The following NALCN variants were observed in gnomAD, a reference collection of about 807,000 sequenced individuals.
NALCN encodes the protein sodium leak channel NALCN.
Under a neutral mutation model 225.3 loss-of-function variants are expected in NALCN, and 111 were observed. The observed-to-expected ratio is 0.49, with a 90% CI of 0.42 to 0.58. NALCN has a LOEUF of 0.58. Ranked by LOEUF, NALCN falls within the 20% of genes least tolerant of loss-of-function variation. NALCN has a pLI of 0.00. For missense variants in NALCN, 1,378 were observed against 2,202.4 expected, an observed-to-expected ratio of 0.63 and a Z score of 7.49; for synonymous variants, 764 against 769.0, an observed-to-expected ratio of 0.99 and a Z score of 0.11.
At chr13:101,223,144 C>T (rs2041009861) in intron 13 of NALCN, among the ~76,000 whole-genome samples, 1 of 152,118 alleles carries the variant, frequency 6.6e-6, no homozygotes, top group Non-Finnish European at 1.5e-5. Flanking sequence ...GGGACATTCA[C>T]AACCTCTTCC....
intron 40 of NALCN, 58 bp downstream of exon 40, chr13:101,065,346 A>G: frequency 6.3e-7 from 1 of 1,585,950 alleles, no homozygotes; most frequent in Non-Finnish European, 8.6e-7. Context: ...AGAGGCCTTG[A>G]AGGCTGACAG....
Position 101,244,167 on chromosome 13 carries a change from T to C in NALCN, c.1267-6245A>G, listed in dbSNP as rs548642701. ...TCACCTGTATTTTCAGACTGAGATT[T>C]TCATTCCAAAAAAAAAGAGTGGTGA... On this transcript the variant is annotated intron_variant, in intron 11 of 43. Transcript: ENST00000251127. 3.0e-4 allele frequency among the ~76,000 whole-genome samples: 33 copies of C among 111,436 alleles called. No individual in the cohort carries two copies. The East Asian group carries it at 6.9e-3, about 23-fold the overall frequency. 73.1% of individuals were successfully genotyped at this position (111,436 alleles called of 152,430 possible). A position where few individuals can be genotyped will look rare whatever the true frequency, so the allele number is the denominator to read the frequency against.
chr13:101,174,248 C>T (rs1302349887), intron 15 of NALCN, among the ~76,000 whole-genome samples: 4 of 152,062 alleles, frequency 2.6e-5, no homozygotes, highest in Non-Finnish European at 5.9e-5. Flanking sequence ...GGAATTGCTG[C>T]GTTATGATTG....
intron 6 of NALCN, among the ~76,000 whole-genome samples, chr13:101,352,238 A>G (rs542648835): frequency 1.3e-5 from 2 of 152,326 alleles, no homozygotes; most frequent in East Asian, 3.9e-4. Flanking sequence ...TTTAAGAGCT[A>G]TCTATATGCT....
At chr13:101,139,469 A>C (rs2036961916) in intron 17 of NALCN, among the ~76,000 whole-genome samples, 1 of 152,136 alleles carries the variant, frequency 6.6e-6, no homozygotes, top group Non-Finnish European at 1.5e-5. Flanking sequence ...CCATTAAGAG[A>C]ACAGTTTTAT....
chr13:101,340,016 C>G (rs2045505247), intron 7 of NALCN, among the ~76,000 whole-genome samples: 1 of 147,518 alleles, frequency 6.8e-6, no homozygotes, highest in Non-Finnish European at 1.5e-5. Context: ...GCCTGTAATC[C>G]CAGCACTTTT....
rs2041620111 is a variant in NALCN at position 101,237,880 on chromosome 13, T to C, written c.1309A>G (p.Ile437Val). The change falls in exon 12 of 44, where the codon ATA becomes GTA. Residue 437 changes from isoleucine to valine, a missense_variant. Physicochemically the swap from Ile to Val is conservative, Grantham distance 29. Transcript: ENST00000251127. ...VLFDLEALLK[I>V]WCLGFTGYIS... Reference sequence around the variant, plus strand: ...TATCCAGTAAATCCCAAACACCATATCTTCAGAAGTGCTTCCAAATCAAAA... The same window carrying C: ...TATCCAGTAAATCCCAAACACCATACCTTCAGAAGTGCTTCCAAATCAAAA... 2 of 1,606,300 alleles carry C rather than the reference T, an allele frequency of 1.2e-6. No individual in the cohort carries two copies. The highest frequency in any genetic ancestry group is 1.3e-5 in the African/African-American group (1 of 74,414).
chr13:101,270,495 C>A (rs1489364196), intron 10 of NALCN, among the ~76,000 whole-genome samples: 1 of 152,184 alleles, frequency 6.6e-6, no homozygotes, highest in Admixed American at 6.5e-5. Flanking sequence ...CTTTCTAATA[C>A]ACTGCATTTC....
Position 101,181,322 on chromosome 13 carries a change from G to A in NALCN, c.1765-4948C>T, listed in dbSNP as rs186415992. On this transcript the variant is annotated intron_variant, in intron 14 of 43. Transcript: ENST00000251127. ...GCGTCTTGAGTGCCACAGAGGTCACGGATAAGAGAGGGAGGCTGGAATAAT... is the reference window on the plus strand; with the variant it reads ...GCGTCTTGAGTGCCACAGAGGTCACAGATAAGAGAGGGAGGCTGGAATAAT... 1.5e-3 allele frequency: 775 copies of A among 518,942 alleles called. 2 individuals are homozygous for A. Among genetic ancestry groups the A allele is most frequent in the Non-Finnish European group, 2.0e-3 (511 of 259,868 alleles). 32.1% of individuals were successfully genotyped at this position (518,942 alleles called of 1,614,324 possible). A position where few individuals can be genotyped will look rare whatever the true frequency, so the allele number is the denominator to read the frequency against.
intron 28 of NALCN, among the ~76,000 whole-genome samples, chr13:101,094,604 G>A (rs1410675068): frequency 6.6e-6 from 1 of 151,996 alleles, no homozygotes; most frequent in African/African-American, 2.4e-5. Flanking sequence ...ATATTCTCAT[G>A]TCTCACATTC....
In NALCN at chr13:101,360,806, C is replaced by T. The variant is rs568583854; in HGVS notation, c.645-15386G>A. Among the ~76,000 whole-genome samples the T allele has an allele frequency of 3.3e-5, 5 of 152,292 alleles. No individual in the cohort carries two copies. In the South Asian group the frequency reaches 6.2e-4, roughly 19 times the overall value. On this transcript the variant is annotated intron_variant, in intron 6 of 43. Transcript: ENST00000251127. ...AGGAAAGACAGGAGGCTCTAATTAC[C>T]TCTGGTGCTCCTTGGACATTTCTGG...
chr13:101,127,944 C>T (rs1029327121), intron 17 of NALCN, among the ~76,000 whole-genome samples: 4 of 152,126 alleles, frequency 2.6e-5, no homozygotes, highest in Non-Finnish European at 5.9e-5. Context: ...CTCTGCAGTG[C>T]CCTCTTCTGG....
intron 11 of NALCN, among the ~76,000 whole-genome samples, chr13:101,246,247 T>C (rs138010993): frequency 0.013 from 2,021 of 152,280 alleles, 33 homozygotes; most frequent in African/African-American, 0.038. Flanking sequence ...ATGGTAGAGA[T>C]GGACATTGCC....
intron 37 of NALCN, among the ~76,000 whole-genome samples, chr13:101,070,346 G>A (rs1002270709): frequency 3.9e-5 from 6 of 152,266 alleles, no homozygotes; most frequent in South Asian, 2.1e-4. Flanking sequence ...GATTACAGGC[G>A]TGAGCCACTG....
rs145310140 is a variant in NALCN, at chr13:101,191,262, T to G, written c.1764+655A>C. 4.7e-3 allele frequency among the ~76,000 whole-genome samples: 716 copies of G among 152,332 alleles called. 7 individuals carry two copies. Among genetic ancestry groups the G allele is most frequent in the African/African-American group, 0.017 (697 of 41,574 alleles). On this transcript the variant is annotated intron_variant, in intron 14 of 43. Coordinates refer to ENST00000251127, the MANE Select transcript of NALCN (RefSeq NM_052867.4). Reference sequence around the variant, plus strand: ...GAGCATTTGGTATTACATTCCTTAGTAAGTCACAGGCTGCATTTCATAACA... The same window carrying G: ...GAGCATTTGGTATTACATTCCTTAGGAAGTCACAGGCTGCATTTCATAACA...
chr13:101,155,203 C>T (rs1336110914), intron 15 of NALCN, among the ~76,000 whole-genome samples: 4 of 152,082 alleles, frequency 2.6e-5, no homozygotes, highest in African/African-American at 7.2e-5. Flanking sequence ...TGTTATATAC[C>T]ATAGAACATT....
chr13:101,092,206 G>A (rs1300291560), intron 28 of NALCN, among the ~76,000 whole-genome samples: 1 of 152,108 alleles, frequency 6.6e-6, no homozygotes, highest in East Asian at 1.9e-4. Context: ...ACATAATTTT[G>A]TCAGTTTTTT....
chr13:101,340,564 G>A (rs191118849), intron 7 of NALCN, among the ~76,000 whole-genome samples: 1 of 152,254 alleles, frequency 6.6e-6, no homozygotes, highest in Non-Finnish European at 1.5e-5. Context: ...TACATTAACT[G>A]TATAAGGTAG....
chr13:101,247,089 A>G (rs1381498764), intron 11 of NALCN, among the ~76,000 whole-genome samples: 7 of 152,192 alleles, frequency 4.6e-5, no homozygotes, highest in African/African-American at 9.7e-5. Context: ...GTTGGACTCA[A>G]TTGCTTCCTA....
Sources: allele counts gnomAD v4.1 joint callset (sites outside exome capture counted in the v4.1 genomes callset), GRCh38; gene constraint gnomAD v4.1.1; transcripts MANE v1.5; gene names NCBI Gene and HGNC (gene_info 2026-07-23, HGNC 2026-07-21).